The following TRAF2 variants were observed in gnomAD, a reference collection of about 807,000 sequenced individuals.
TRAF2 encodes the protein TNF receptor-associated factor 2.
A neutral mutation model predicts 55.6 loss-of-function variants in TRAF2; 6 were observed. The ratio of observed to expected loss-of-function variants is 0.11; its 90% CI spans 0.06 to 0.21. The LOEUF is 0.21. Ranked by LOEUF, TRAF2 falls within the 10% of genes least tolerant of loss-of-function variation. The probability of loss-of-function intolerance (pLI) is 1.00; values close to 1 mark genes in which losing one functional copy is unlikely to be tolerated. For synonymous variants in TRAF2, 329 were observed against 276.3 expected (o/e 1.19, Z -1.89); for missense variants, 561 against 684.5 (o/e 0.82, Z 2.01).
At chr9:136,886,350 G>A (rs536129305), upstream of TRAF2, 77 of 970,740 alleles carry the variant, frequency 7.9e-5, no homozygotes, top group South Asian at 7.8e-4. Context: ...GGTTGGCTCC[G>A]GCGTCAGTCC....
At chr9:136,888,239 C>G (rs1054277951) in intron 1 of TRAF2, among the ~76,000 whole-genome samples, 3 of 152,142 alleles carry the variant, frequency 2.0e-5, no homozygotes, top group South Asian at 2.1e-4. Flanking sequence ...GCATGCAGAT[C>G]AGTGTTCCTG....
intron 6 of TRAF2, 53 bp downstream of exon 6, chr9:136,910,047 A>C: frequency 1.3e-6 from 2 of 1,551,364 alleles, no homozygotes; most frequent in Non-Finnish European, 1.8e-6. Flanking sequence ...CATGTGTTGG[A>C]CGTGAGGGTC....
intron 1 of TRAF2, among the ~76,000 whole-genome samples, chr9:136,890,968 C>T (rs1200268723): frequency 2.0e-5 from 3 of 152,198 alleles, no homozygotes; most frequent in Non-Finnish European, 4.4e-5. Flanking sequence ...CCTCCCCAGG[C>T]TCAGGTGATC....
intron 4 of TRAF2, among the ~76,000 whole-genome samples, chr9:136,906,982 C>T (rs1849968824): frequency 6.6e-6 from 1 of 152,262 alleles, no homozygotes; most frequent in Non-Finnish European, 1.5e-5. Context: ...ATCCCGTCAC[C>T]TTGCTGTCCT....
intron 3 of TRAF2, among the ~76,000 whole-genome samples, chr9:136,900,159 A>C (rs1388825534): frequency 1.5e-5 from 2 of 136,182 alleles, no homozygotes; most frequent in Non-Finnish European, 3.1e-5. Context: ...ACAAAGTGAG[A>C]CCCCTCCTTT....
intron 7 of TRAF2, among the ~76,000 whole-genome samples, chr9:136,917,852 G>A (rs1850277748): frequency 6.6e-6 from 1 of 152,204 alleles, no homozygotes; most frequent in East Asian, 1.9e-4. Context: ...GGCTTCCCGT[G>A]CGGGAGGTTG....
upstream of TRAF2, among the ~76,000 whole-genome samples, chr9:136,884,975 C>T (rs1849418356): frequency 6.6e-6 from 1 of 152,242 alleles, no homozygotes; most frequent in Admixed American, 6.5e-5. Context: ...TGGGCTTGAG[C>T]AACCTCACTG....
intron 10 of TRAF2, 142 bp from the exon 11 acceptor site, chr9:136,925,541 C>G: frequency 1.3e-6 from 1 of 798,904 alleles, no homozygotes. Flanking sequence ...CCGCCCACCA[C>G]GTGGTCTCGG....
In TRAF2 at chr9:136,920,343, A is replaced by C; in HGVS notation, c.788A>C (p.His263Pro). 1 of 1,614,094 alleles carries C rather than the reference A, an allele frequency of 6.2e-7. No individual in the cohort carries two copies. The highest frequency in any genetic ancestry group is 8.5e-7 in the Non-Finnish European group (1 of 1,180,034). The change falls in exon 8 of 11, where the codon CAC becomes CCC. Residue 263 changes from histidine to proline, a missense_variant. This residue lies in a region of TRAF2 where 426 missense variants were observed against 476.8 expected (regional missense o/e 0.89). Transcript: ENST00000247668. The stretch of plus-strand genomic sequence containing the variant: ...AAGCCCCTCTTGGGAGACCAGAGCC[A>C]CGCGGGGTCAGAGCTCCTGCAGAGG... ...EAKPLLGDQS[H>P]AGSELLQRCE...
intron 1 of TRAF2, among the ~76,000 whole-genome samples, chr9:136,891,792 ACT>A (rs1459347601): frequency 1.4e-5 from 2 of 146,838 alleles, no homozygotes; most frequent in Admixed American, 6.8e-5. Flanking sequence ...TGCGATCTTG[ACT>A]CTCTGCAACC....
chr9:136,920,980 C>T, intron 8 of TRAF2, 58 bp from the exon 9 acceptor site: 2 of 1,586,748 alleles, frequency 1.3e-6, no homozygotes, highest in Middle Eastern at 2.0e-4. Context: ...GTGTGGGAGG[C>T]AGGGGCTCGT....
intron 4 of TRAF2, among the ~76,000 whole-genome samples, chr9:136,901,627 A>C (rs773367372): frequency 5.3e-5 from 8 of 152,192 alleles, no homozygotes; most frequent in Non-Finnish European, 1.2e-4. Flanking sequence ...ACCGAGTCAT[A>C]CATTGGAATG....
chr9:136,897,730 C>T lies in TRAF2; in HGVS notation c.-28-983C>T, dbSNP rs1351128653. ...GGCAGCCCCAGGTGTGCTACGTTCC[C>T]GCTCTCAGGGCTGGAGGGGAACCCG... On this transcript the variant is annotated intron_variant, in intron 1 of 10. Coordinates refer to ENST00000247668, the MANE Select transcript of TRAF2 (RefSeq NM_021138.4). Among the ~76,000 whole-genome samples the T allele has an allele frequency of 4.4e-5, 6 of 135,710 alleles. No homozygotes were observed. In the East Asian group the frequency reaches 9.2e-4, roughly 21 times the overall value. The allele number at this position is 135,710 out of a possible 152,430, so 89.0% of individuals were successfully genotyped here. A position where few individuals can be genotyped will look rare whatever the true frequency, so the allele number is the denominator to read the frequency against.
chr9:136,903,486 A>T (rs1424737904), intron 4 of TRAF2, among the ~76,000 whole-genome samples: 1 of 151,942 alleles, frequency 6.6e-6, no homozygotes, highest in East Asian at 1.9e-4. Context: ...AGGGATGACG[A>T]CTGTATTTGC....
chr9:136,920,621 A>G (rs1850362112), intron 8 of TRAF2, 106 bp downstream of exon 8: 2 of 1,382,124 alleles, frequency 1.4e-6, no homozygotes, highest in Non-Finnish European at 1.9e-6. Flanking sequence ...AGCCCGGACA[A>G]TGTAGAACTC....
intron 1 of TRAF2, 34 bp downstream of exon 1, chr9:136,886,575 G>T (rs1238923794): frequency 1.0e-6 from 1 of 982,274 alleles, no homozygotes; most frequent in Non-Finnish European, 1.2e-6. Context: ...GCGGGGTCGG[G>T]CGCGGGCGCG....
chr9:136,900,976 A>G (rs1431322637), intron 4 of TRAF2, among the ~76,000 whole-genome samples: 2 of 152,178 alleles, frequency 1.3e-5, no homozygotes, highest in Admixed American at 6.5e-5. Context: ...TCTTGTATCC[A>G]CAAAGGATTG....
chr9:136,899,498 G>C, intron 2 of TRAF2, 96 bp from the exon 3 acceptor site: 1 of 1,092,934 alleles, frequency 9.1e-7, no homozygotes. Flanking sequence ...AGTTTAAACT[G>C]TGGTGTGGAG....
intron 4 of TRAF2, among the ~76,000 whole-genome samples, chr9:136,904,663 T>C (rs1240977955): frequency 6.6e-6 from 1 of 152,188 alleles, no homozygotes; most frequent in Non-Finnish European, 1.5e-5. Flanking sequence ...CGCCTCGGCC[T>C]CCCAAAGTGC....
Sources: allele counts gnomAD v4.1 joint callset (sites outside exome capture counted in the v4.1 genomes callset), GRCh38; gene constraint gnomAD v4.1.1; regional missense constraint gnomAD v4.1.1; transcripts MANE v1.5; gene names NCBI Gene and HGNC (gene_info 2026-07-23, HGNC 2026-07-21).